Variants in DYSF observed in about 807,000 individuals in gnomAD.
DYSF encodes dystrophy-associated fer-1-like 1.
A neutral mutation model predicts 274.9 loss-of-function variants in DYSF; 212 were observed. The ratio of observed to expected loss-of-function variants is 0.77; its 90% CI spans 0.69 to 0.86. The LOEUF is 0.86. DYSF is among the 40% of genes least tolerant of loss of function. The probability of loss-of-function intolerance (pLI) is 0.00; values close to 1 mark genes in which losing one functional copy is unlikely to be tolerated. For missense variants in DYSF, 2,666 were observed against 2,783.2 expected (o/e 0.96, Z 0.95); for synonymous variants, 1,091 against 1,078.7 (o/e 1.01, Z -0.22).
chr2:71,550,422 G>A (rs2090851434), intron 17 of DYSF, among the ~76,000 whole-genome samples: 1 of 151,664 alleles, frequency 6.6e-6, no homozygotes, highest in South Asian at 2.1e-4. Flanking sequence ...GTGTGTGTGG[G>A]GAGGAGATTC....
chr2:71,579,085 C>T (rs542470721), intron 30 of DYSF, among the ~76,000 whole-genome samples: 2 of 152,322 alleles, frequency 1.3e-5, no homozygotes, highest in African/African-American at 4.8e-5. Flanking sequence ...TCCAGCCTCC[C>T]TCTCCACCCC....
chr2:71,519,811 G>GTTTTTTTTTT (rs70959241), intron 10 of DYSF, among the ~76,000 whole-genome samples: 11 of 102,286 alleles, frequency 1.1e-4, no homozygotes, highest in Non-Finnish European at 1.9e-4. Context: ...CACCCGGCTA[G>GTTTTTTTTTT]TTTTTTTTTT....
chr2:71,560,713 A>T (rs938142043), intron 22 of DYSF, among the ~76,000 whole-genome samples: 1 of 152,310 alleles, frequency 6.6e-6, no homozygotes, highest in East Asian at 1.9e-4. Flanking sequence ...TTGGTTCTGC[A>T]TAGCTCGGGG....
chr2:71,524,907 C>A (rs2087689864), intron 12 of DYSF, among the ~76,000 whole-genome samples: 1 of 152,208 alleles, frequency 6.6e-6, no homozygotes, highest in African/African-American at 2.4e-5. Flanking sequence ...GCTTTCTTAT[C>A]TGTAAAGTGG....
chr2:71,599,963 G>T (rs1366416031), intron 33 of DYSF, among the ~76,000 whole-genome samples: 1 of 152,210 alleles, frequency 6.6e-6, no homozygotes. Context: ...AAGAGTCCAT[G>T]TGGGACTGTT....
chr2:71,605,816 C>A (rs1214341743), intron 36 of DYSF, among the ~76,000 whole-genome samples: 1 of 151,930 alleles, frequency 6.6e-6, no homozygotes, highest in Non-Finnish European at 1.5e-5. Flanking sequence ...GGTCCCCCAT[C>A]CCCCATTCCT....
rs543925739 is a variant in DYSF, at chr2:71,608,030, CTGTT to C, written c.3958-3212_3958-3209del. On this transcript the variant is annotated intron_variant, in intron 36 of 55. Transcript: ENST00000410020. The stretch of plus-strand genomic sequence containing the variant: ...GGCCAGCAGTGTGGATCCAGAGAGA[CTGTT>C]TGGGAAGGAGATGAGGTTAGCTGGC... Among the ~76,000 whole-genome samples, 808 of 152,042 alleles carry C rather than the reference CTGTT, an allele frequency of 5.3e-3. 4 individuals carry two copies. The highest frequency in any genetic ancestry group is 7.3e-3 in the Non-Finnish European group (494 of 67,986).
chr2:71,547,195 C>G (rs964126006), intron 17 of DYSF, among the ~76,000 whole-genome samples: 2 of 152,210 alleles, frequency 1.3e-5, no homozygotes, highest in Non-Finnish European at 2.9e-5. Flanking sequence ...GACACAGGGG[C>G]GAGAGCCCGG....
chr2:71,608,652 C>T (rs969844996), intron 36 of DYSF, among the ~76,000 whole-genome samples: 6 of 152,252 alleles, frequency 3.9e-5, no homozygotes, highest in African/African-American at 1.2e-4. Flanking sequence ...GTTCTTGTTC[C>T]CCTGTCCTCA....
chr2:71,565,382 G>A (rs567254905), intron 24 of DYSF, among the ~76,000 whole-genome samples: 8 of 151,776 alleles, frequency 5.3e-5, no homozygotes, highest in South Asian at 2.1e-4. Context: ...GAGCCACCGC[G>A]CCAGCCCTCC....
intron 32 of DYSF, among the ~76,000 whole-genome samples, chr2:71,593,893 C>A (rs374274486): frequency 1.4e-4 from 21 of 152,296 alleles, no homozygotes; most frequent in African/African-American, 4.6e-4. Context: ...TGGGCTCAGG[C>A]GGTCCAACTT....
chr2:71,578,837 G>A (rs961133068), intron 30 of DYSF, among the ~76,000 whole-genome samples: 3 of 152,208 alleles, frequency 2.0e-5, no homozygotes, highest in African/African-American at 7.2e-5. Flanking sequence ...ATTAGCACGG[G>A]CAGCCTTTCC....
intron 41 of DYSF, among the ~76,000 whole-genome samples, chr2:71,638,825 T>C (rs185179728): frequency 8.4e-4 from 128 of 152,374 alleles, no homozygotes; most frequent in Admixed American, 1.8e-3. Context: ...ACATAAGTTT[T>C]CATTTCTCTT....
intron 40 of DYSF, among the ~76,000 whole-genome samples, chr2:71,614,094 G>T (rs1483074086): frequency 2.6e-5 from 4 of 152,164 alleles, no homozygotes; most frequent in Non-Finnish European, 5.9e-5. Context: ...GTGCTGAGGG[G>T]CAGCGCTCCC....
intron 40 of DYSF, among the ~76,000 whole-genome samples, chr2:71,617,877 G>GTGTGTGT (rs1460432930): frequency 3.5e-5 from 1 of 28,248 alleles, no homozygotes; most frequent in African/African-American, 8.2e-5. Flanking sequence ...TGGTAGAGGT[G>GTGTGTGT]GGGTGTGTGT....
intron 55 of DYSF, 35 bp downstream of exon 55, chr2:71,682,712 T>A: frequency 6.2e-7 from 1 of 1,602,334 alleles, no homozygotes; most frequent in Non-Finnish European, 8.5e-7. Context: ...GTGGGGGAAC[T>A]CTGGGTCTAA....
chr2:71,563,109 T>A (rs537054007), intron 23 of DYSF, among the ~76,000 whole-genome samples: 3 of 152,266 alleles, frequency 2.0e-5, no homozygotes, highest in African/African-American at 7.2e-5. Context: ...CCTGAAAATA[T>A]GCATTTCTAA....
At chr2:71,504,205 A>T (rs1182045593) in intron 4 of DYSF, among the ~76,000 whole-genome samples, 1 of 152,150 alleles carries the variant, frequency 6.6e-6, no homozygotes. Flanking sequence ...GGCTGTTCCC[A>T]TGGGGGCCTG....
Position 71,589,568 on chromosome 2 carries a change from GCCATAA to G in DYSF, c.3403-21_3403-16del. 1 of 1,608,454 alleles carries G rather than the reference GCCATAA, an allele frequency of 6.2e-7. No individual in the cohort carries two copies. The highest frequency in any genetic ancestry group is 1.1e-5 in the South Asian group (1 of 90,958). Reference sequence around the variant, plus strand: ...ACCCCCAGGCCTGGGGGCAGAATCTGCCATAACCAGCTTCGTGTCTCCAGGGCGGCG... The same window carrying G: ...ACCCCCAGGCCTGGGGGCAGAATCTGCCAGCTTCGTGTCTCCAGGGCGGCG... On this transcript the variant is annotated intron_variant, in intron 30 of 55. Transcript: ENST00000410020.
Sources: gnomAD v4.1 joint callset for allele counts (sites outside exome capture counted in the v4.1 genomes callset) on GRCh38, gnomAD v4.1.1 for gene constraint, MANE v1.5 for transcripts, NCBI Gene and HGNC (gene_info 2026-07-23, HGNC 2026-07-21) for gene names.